Variants in ZNF654 observed in about 807,000 individuals in gnomAD.
ZNF654 encodes the protein zinc finger protein 654.
A neutral mutation model predicts 95.3 loss-of-function variants in ZNF654; 19 were observed. The observed-to-expected ratio is 0.20, with a 90% CI of 0.14 to 0.29. ZNF654 has a LOEUF of 0.29. Among genes scored for constraint, ZNF654 ranks in the 10% least tolerant of loss-of-function variants. The pLI is 1.00. For synonymous variants in ZNF654, 413 were observed against 457.9 expected (o/e 0.90, Z 1.25); for missense variants, 1,046 against 1,341.0 (o/e 0.78, Z 3.44).
rs1179866664 is a variant in ZNF654 at position 88,113,101 on chromosome 3, C to T, written c.333-14C>T. ...TCAAAGAAGCAATGAAAGTTATTCA[C>T]TTATTCTTTCTAGGAGTTTCTTTGA... On this transcript the variant is annotated splice_polypyrimidine_tract_variant and intron_variant, in intron 2 of 8. Transcript: ENST00000636215. The T allele has an allele frequency of 6.6e-7, 1 of 1,510,372 alleles. No homozygotes were observed. The highest frequency in any genetic ancestry group is 8.9e-7 in the Non-Finnish European group (1 of 1,126,476). The allele number at this position is 1,510,372 out of a possible 1,614,324, so 93.6% of individuals were successfully genotyped here. A position where few individuals can be genotyped will look rare whatever the true frequency, so the allele number is the denominator to read the frequency against.
chr3:88,137,194 CAAAAAAAAA>C (rs11401199), intron 7 of ZNF654, among the ~76,000 whole-genome samples: 1 of 70,724 alleles, frequency 1.4e-5, no homozygotes, highest in Non-Finnish European at 2.3e-5. Context: ...GACTCTGTCT[CAAAAAAAAA>C]AAAAAAAAAA....
intron 1 of ZNF654, among the ~76,000 whole-genome samples, chr3:88,068,035 A>C (rs796531380): frequency 3.3e-5 from 5 of 152,290 alleles, no homozygotes; most frequent in African/African-American, 9.6e-5. Flanking sequence ...CACTCAAAGC[A>C]CAAGTGGAGG....
At chr3:88,141,269 A>G (rs1193965849) in intron 8 of ZNF654, among the ~76,000 whole-genome samples, 1 of 152,112 alleles carries the variant, frequency 6.6e-6, no homozygotes, top group East Asian at 1.9e-4. Flanking sequence ...AGTAATTTGC[A>G]TAGGGCTTTG....
intron 3 of ZNF654, among the ~76,000 whole-genome samples, chr3:88,124,085 G>A (rs188188514): frequency 6.5e-4 from 99 of 152,236 alleles, no homozygotes; most frequent in Middle Eastern, 3.4e-3. Flanking sequence ...TCATGCCAAG[G>A]AAACTAGATG....
chr3:88,083,958 T>C (rs201329299), intron 1 of ZNF654, among the ~76,000 whole-genome samples: 1 of 40,630 alleles, frequency 2.5e-5, no homozygotes, highest in African/African-American at 6.4e-5. Flanking sequence ...TATATATATA[T>C]ATATATATAG....
intron 1 of ZNF654, among the ~76,000 whole-genome samples, chr3:88,078,754 G>A (rs1035591073): frequency 6.6e-6 from 1 of 152,004 alleles, no homozygotes; most frequent in African/African-American, 2.4e-5. Context: ...TTTCAGCATG[G>A]TTTTGTATAC....
chr3:88,112,923 G>A (rs931392259), intron 2 of ZNF654, among the ~76,000 whole-genome samples, 192 bp from the exon 3 acceptor site: 1 of 151,910 alleles, frequency 6.6e-6, no homozygotes, highest in African/African-American at 2.4e-5. Flanking sequence ...ATATTTCTTT[G>A]TATTTTCCTT....
intron 3 of ZNF654, among the ~76,000 whole-genome samples, chr3:88,117,928 A>T (rs1278329740): frequency 7.9e-6 from 1 of 127,202 alleles, no homozygotes; most frequent in Non-Finnish European, 1.7e-5. Context: ...TACCAGTACT[A>T]TTGCCCAATA....
intron 2 of ZNF654, among the ~76,000 whole-genome samples, chr3:88,098,982 C>T (rs986823098): frequency 3.9e-5 from 6 of 152,090 alleles, no homozygotes; most frequent in African/African-American, 7.2e-5. Flanking sequence ...AAGTTCTGGC[C>T]GGGGCAATCA....
Position 88,071,507 on chromosome 3 carries a change from G to A in ZNF654, c.186+12002G>A, listed in dbSNP as rs562799926. On this transcript the variant is annotated intron_variant, in intron 1 of 8. Coordinates refer to ENST00000636215, the MANE Select transcript of ZNF654 (RefSeq NM_001350134.2). ...AAAATACAAAAAAATTTGGCTGGGC[G>A]CGGTAGCGGGCGCCTGTAGTCCCAG... Among the ~76,000 whole-genome samples the A allele has an allele frequency of 2.5e-4, 38 of 152,288 alleles. No homozygotes were observed. In the East Asian group the frequency reaches 2.7e-3, roughly 11 times the overall value.
At chr3:88,105,458 C>T (rs982418807) in intron 2 of ZNF654, among the ~76,000 whole-genome samples, 1 of 152,156 alleles carries the variant, frequency 6.6e-6, no homozygotes, top group African/African-American at 2.4e-5. Context: ...TGTTTCCATT[C>T]TTTTCCTGTT....
At chr3:88,078,960 A>C (rs1707949220) in intron 1 of ZNF654, among the ~76,000 whole-genome samples, 1 of 152,130 alleles carries the variant, frequency 6.6e-6, no homozygotes, top group Non-Finnish European at 1.5e-5. Context: ...TCAGATTTAT[A>C]GGTGACACAA....
At position 88,059,292 on chromosome 3, in the gene ZNF654, C is replaced by T. The variant is rs1272559119; in HGVS notation, c.-28C>T. The T allele has an allele frequency of 3.3e-6, 5 of 1,531,604 alleles. No homozygotes were observed. The highest frequency in any genetic ancestry group is 3.5e-6 in the Non-Finnish European group (4 of 1,145,968). The allele number at this position is 1,531,604 out of a possible 1,614,324, so 94.9% of individuals were successfully genotyped here. On this transcript the variant is annotated 5_prime_UTR_variant, in exon 1 of 9. Coordinates refer to ENST00000636215, the MANE Select transcript of ZNF654 (RefSeq NM_001350134.2). ...TACGGCGGCGGCGGCGGCGCAGGGG[C>T]TGGTACGCGCTGGGCGGCGAGAGCC...
intron 1 of ZNF654, 131 bp from the exon 2 acceptor site, chr3:88,086,126 T>A (rs1298375685): frequency 5.9e-6 from 4 of 681,346 alleles, no homozygotes; most frequent in Non-Finnish European, 9.6e-6. Context: ...GTATAGAAGA[T>A]CCCTCCCTCC....
At chr3:88,071,894 T>C (rs772753415) in intron 1 of ZNF654, among the ~76,000 whole-genome samples, 5 of 152,236 alleles carry the variant, frequency 3.3e-5, no homozygotes, top group Non-Finnish European at 5.9e-5. Context: ...TTCTCTCTTA[T>C]ATTTTGAAGT....
intron 1 of ZNF654, among the ~76,000 whole-genome samples, chr3:88,080,739 A>G (rs1174553223): frequency 6.6e-6 from 1 of 152,224 alleles, no homozygotes; most frequent in East Asian, 1.9e-4. Context: ...TAAATGTAGA[A>G]ATCTGCTTAT....
rs756313349 is a variant in ZNF654 at position 88,140,292 on chromosome 3, G to C, written c.2623G>C (p.Glu875Gln). The change falls in exon 8 of 9, where the codon GAG becomes CAG. Residue 875 changes from glutamate (E) to glutamine (Q), a missense_variant. Transcript: ENST00000636215. ...EAQHYLSKTPESSAQPSETIL... is the reference protein window; with the variant it reads ...EAQHYLSKTPQSSAQPSETIL... Reference sequence around the variant, plus strand: ...TCAACACTATTTAAGTAAAACACCAGAGTCATCTGCACAACCAAGTGAAAC... The same window carrying C: ...TCAACACTATTTAAGTAAAACACCACAGTCATCTGCACAACCAAGTGAAAC... The C allele has an allele frequency of 6.2e-7, 1 of 1,613,674 alleles. No homozygotes were observed. The highest frequency in any genetic ancestry group is 1.1e-5 in the South Asian group (1 of 91,068).
intron 2 of ZNF654, among the ~76,000 whole-genome samples, chr3:88,104,312 C>T (rs898257328): frequency 5.9e-5 from 9 of 152,152 alleles, no homozygotes; most frequent in African/African-American, 1.4e-4. Flanking sequence ...AACTGATCAT[C>T]TAAAGCAGGG....
intron 2 of ZNF654, among the ~76,000 whole-genome samples, chr3:88,090,629 G>A (rs1224048904): frequency 1.3e-5 from 2 of 152,118 alleles, no homozygotes; most frequent in Non-Finnish European, 2.9e-5. Context: ...CTACATGAGT[G>A]TGTAGTCATG....
Sources: allele counts gnomAD v4.1 joint callset (sites outside exome capture counted in the v4.1 genomes callset), GRCh38; gene constraint gnomAD v4.1.1; transcripts MANE v1.5; gene names NCBI Gene and HGNC (gene_info 2026-07-23, HGNC 2026-07-21).